TMEM44: variants seen among roughly 807,000 people sequenced by gnomAD.
The protein encoded by TMEM44 is transmembrane protein 44.
Under a neutral mutation model 47.8 loss-of-function variants are expected in TMEM44, and 43 were observed. The ratio of observed to expected loss-of-function variants is 0.90; its 90% CI spans 0.70 to 1.16. The LOEUF is 1.16. Among genes scored for constraint, TMEM44 ranks in the 50% most tolerant of loss-of-function variants. The probability of loss-of-function intolerance (pLI) is 0.00; values close to 1 mark genes in which losing one functional copy is unlikely to be tolerated. For synonymous variants in TMEM44, 277 were observed against 238.8 expected, an observed-to-expected ratio of 1.16 and a Z score of -1.48; for missense variants, 568 against 555.2, an observed-to-expected ratio of 1.02 and a Z score of -0.23.
At chr3:194,616,072 G>C (rs1444861724) in intron 6 of TMEM44, among the ~76,000 whole-genome samples, 1 of 149,902 alleles carries the variant, frequency 6.7e-6, no homozygotes, top group African/African-American at 2.5e-5. Flanking sequence ...TTTTTTTTGA[G>C]ACAGAGTCTC....
intron 2 of TMEM44, 64 bp downstream of exon 2, chr3:194,628,319 G>C: frequency 6.4e-7 from 1 of 1,556,586 alleles, no homozygotes; most frequent in Non-Finnish European, 8.7e-7. Context: ...GGCTGCAGCA[G>C]AGAGAAAGGC....
intron 1 of TMEM44, among the ~76,000 whole-genome samples, chr3:194,630,361 G>A (rs548893584): frequency 4.4e-4 from 47 of 106,260 alleles, no homozygotes; most frequent in African/African-American, 1.6e-3. Flanking sequence ...ATACGCTGTC[G>A]TACCTGCCTC....
At chr3:194,613,169 T>C (rs1196175648) in intron 7 of TMEM44, among the ~76,000 whole-genome samples, 1 of 150,976 alleles carries the variant, frequency 6.6e-6, no homozygotes, top group Non-Finnish European at 1.5e-5. Context: ...ATTTTTTATT[T>C]TTATTTATTT....
At chr3:194,602,290 G>A (rs1481275712) in intron 9 of TMEM44, among the ~76,000 whole-genome samples, 2 of 152,224 alleles carry the variant, frequency 1.3e-5, no homozygotes, top group South Asian at 2.1e-4. Context: ...GGCCAGCAGT[G>A]GAAGTGGTGT....
At chr3:194,600,909 T>C (rs76932592) in intron 9 of TMEM44, among the ~76,000 whole-genome samples, 14,822 of 152,262 alleles carry the variant, frequency 0.097, 811 homozygotes, top group South Asian at 0.21. Context: ...CTATTATCTA[T>C]GTTGAGTTTG....
chr3:194,615,799 A>G, intron 6 of TMEM44, 102 bp from the exon 7 acceptor site: 1 of 1,439,698 alleles, frequency 6.9e-7, no homozygotes, highest in Non-Finnish European at 9.5e-7. Context: ...CCACTCACCT[A>G]CTCTCCTCCC....
In TMEM44 at chr3:194,629,924, C is replaced by T. The variant is rs565061438; in HGVS notation, c.138-1415G>A. Among the ~76,000 whole-genome samples the T allele has an allele frequency of 4.1e-3, 189 of 45,562 alleles. 1 individual carries two copies. The highest frequency in any genetic ancestry group is 0.016 in the African/African-American group (170 of 10,494). The allele number at this position is 45,562 out of a possible 152,430, so 29.9% of individuals were successfully genotyped here. On this transcript the variant is annotated intron_variant, in intron 1 of 9. Coordinates refer to ENST00000347147, the MANE Select transcript of TMEM44 (RefSeq NM_001011655.3). ...CACTGATAGGGCCCCTGAAATAATA[C>T]GCTGTCGTACTGCCTCCCGAAGGGG...
chr3:194,616,060 T>A (rs984793500), intron 6 of TMEM44, among the ~76,000 whole-genome samples: 2 of 144,670 alleles, frequency 1.4e-5, no homozygotes, highest in Non-Finnish European at 3.0e-5. Flanking sequence ...GTGACCCCCT[T>A]TTTTTTTTTG....
rs187358773 is a variant in TMEM44 at position 194,598,038 on chromosome 3, G to A, written c.1176+6249C>T. On this transcript the variant is annotated intron_variant, in intron 9 of 9. Coordinates refer to ENST00000347147, the MANE Select transcript of TMEM44 (RefSeq NM_001011655.3). ...GGCTGACGTTGTATTGAATGGGTGG[G>A]CTAGTAAATGAATGAATGGATGGAT... 3.3e-5 allele frequency among the ~76,000 whole-genome samples: 5 copies of A among 152,298 alleles called. No homozygotes were observed. In the East Asian group the frequency reaches 9.6e-4, roughly 29 times the overall value.
intron 9 of TMEM44, among the ~76,000 whole-genome samples, chr3:194,601,185 C>T (rs1324517137): frequency 6.6e-6 from 1 of 151,704 alleles, no homozygotes; most frequent in Admixed American, 6.6e-5. Flanking sequence ...ACTCTTTCAC[C>T]CAGCCTGGAG....
In TMEM44 at chr3:194,617,170, G is replaced by GC; in HGVS notation, c.711dup (p.His238AlafsTer3). On this transcript the variant is annotated frameshift_variant, in exon 6 of 10. Transcript: ENST00000347147. LOFTEE classifies it high-confidence loss of function. ...GTGGCCCGCAGCAGGTACTCAGGGT[G>GC]CTGGTCGTGGGCCACAATGGCCGAG... The GC allele has an allele frequency of 6.4e-7, 1 of 1,556,766 alleles. No individual in the cohort carries two copies. The highest frequency in any genetic ancestry group is 8.7e-7 in the Non-Finnish European group (1 of 1,150,770).
At chr3:194,623,878 T>G (rs1368683686) in intron 3 of TMEM44, among the ~76,000 whole-genome samples, 183 bp from the exon 4 acceptor site, 1 of 151,446 alleles carries the variant, frequency 6.6e-6, no homozygotes, top group Non-Finnish European at 1.5e-5. Context: ...CTTCAAGGAG[T>G]CTTTCCTCTC....
At chr3:194,607,931 G>A (rs749044519) in intron 8 of TMEM44, among the ~76,000 whole-genome samples, 28 of 152,206 alleles carry the variant, frequency 1.8e-4, no homozygotes, top group Non-Finnish European at 3.4e-4. Flanking sequence ...GCACTTGTGG[G>A]CTTCAGTGGG....
intron 8 of TMEM44, among the ~76,000 whole-genome samples, chr3:194,608,734 G>T (rs1160676187): frequency 1.3e-5 from 2 of 152,162 alleles, no homozygotes; most frequent in African/African-American, 4.8e-5. Context: ...CGAGAGATGG[G>T]GTCTCGCTAT....
At chr3:194,593,374 T>G (rs1712999568) in intron 9 of TMEM44, among the ~76,000 whole-genome samples, 1 of 152,126 alleles carries the variant, frequency 6.6e-6, no homozygotes, top group Non-Finnish European at 1.5e-5. Flanking sequence ...TTATTATTAT[T>G]AGGAGGAGTA....
intron 8 of TMEM44, among the ~76,000 whole-genome samples, chr3:194,610,120 T>C (rs532353233): frequency 6.6e-6 from 1 of 151,776 alleles, no homozygotes; most frequent in Non-Finnish European, 1.5e-5. Context: ...TCAGTTTCTC[T>C]GGAGGCTGAG....
rs531998656 is a variant in TMEM44 at position 194,599,634 on chromosome 3, G to A, written c.1176+4653C>T. On this transcript the variant is annotated intron_variant, in intron 9 of 9. Coordinates refer to ENST00000347147, the MANE Select transcript of TMEM44 (RefSeq NM_001011655.3). ...GAGTCTCGTTCTATTGTCCAGGCTG[G>A]AATGCGGTGGCTTGATCTTGACTCA... Among the ~76,000 whole-genome samples, 6 of 148,990 alleles carry A rather than the reference G, an allele frequency of 4.0e-5. No individual in the cohort carries two copies. In the East Asian group the frequency reaches 7.9e-4, roughly 20 times the overall value.
At chr3:194,607,792 G>A (rs534952218) in intron 8 of TMEM44, among the ~76,000 whole-genome samples, 9 of 152,328 alleles carry the variant, frequency 5.9e-5, no homozygotes, top group Admixed American at 4.6e-4. Flanking sequence ...CAGTAGACAG[G>A]CTATGATGGG....
intron 3 of TMEM44, among the ~76,000 whole-genome samples, chr3:194,624,487 C>T (rs1318984486): frequency 2.0e-5 from 3 of 151,998 alleles, no homozygotes; most frequent in African/African-American, 4.8e-5. Context: ...GGCACAATCA[C>T]AGCTCACTGC....
Sources: gnomAD v4.1 joint callset for allele counts (sites outside exome capture counted in the v4.1 genomes callset) on GRCh38, gnomAD v4.1.1 for gene constraint, MANE v1.5 for transcripts, NCBI Gene and HGNC (gene_info 2026-07-23, HGNC 2026-07-21) for gene names.